The following STK10 variants were observed in gnomAD, a reference collection of about 807,000 sequenced individuals.
STK10 encodes serine/threonine kinase 10, also known as serine/threonine-protein kinase 10.
STK10 carries 78 observed loss-of-function variants against 113.8 expected under a neutral mutation model. That is an observed-to-expected ratio of 0.69 (90% CI 0.57 to 0.83). STK10 has a LOEUF of 0.83. Ranked by LOEUF, STK10 falls within the 40% of genes least tolerant of loss-of-function variation. The pLI is 0.00. For missense variants in STK10, 1,109 were observed against 1,280.1 expected (o/e 0.87, Z 2.04); for synonymous variants, 465 against 494.7 (o/e 0.94, Z 0.80).
intron 13 of STK10, chr5:172,064,507 G>T: frequency 1.7e-6 from 1 of 601,016 alleles, no homozygotes; most frequent in South Asian, 2.0e-5. Flanking sequence ...GGTATCCAGA[G>T]ATGGAAGAGC....
chr5:172,064,005 A>G (rs58374479), intron 13 of STK10, among the ~76,000 whole-genome samples: 1,844 of 152,240 alleles, frequency 0.012, 42 homozygotes, highest in African/African-American at 0.042. Context: ...TATCTTAGGG[A>G]CAATGTGGGA....
chr5:172,169,586 T>G (rs1770629523), intron 1 of STK10, among the ~76,000 whole-genome samples: 1 of 152,000 alleles, frequency 6.6e-6, no homozygotes, highest in Admixed American at 6.6e-5. Context: ...TGAATGGGTG[T>G]GCATGAGACT....
At chr5:172,103,061 C>T (rs189775824) in intron 7 of STK10, among the ~76,000 whole-genome samples, 6 of 152,314 alleles carry the variant, frequency 3.9e-5, no homozygotes, top group African/African-American at 1.4e-4. Context: ...CCGCCCAGGG[C>T]GGGACACAGG....
At chr5:172,070,735 G>A (rs1015805689) in intron 12 of STK10, among the ~76,000 whole-genome samples, 4 of 152,028 alleles carry the variant, frequency 2.6e-5, no homozygotes, top group African/African-American at 7.3e-5. Context: ...AGGAGGAGGA[G>A]AGGAGGAGGA....
At chr5:172,107,614 C>T (rs549516574) in intron 5 of STK10, among the ~76,000 whole-genome samples, 166 bp downstream of exon 5, 4 of 152,276 alleles carry the variant, frequency 2.6e-5, no homozygotes, top group East Asian at 1.9e-4. Context: ...AAGAAACTGA[C>T]GCACGGGAAA....
At chr5:172,089,245 T>A (rs535759143) in intron 10 of STK10, among the ~76,000 whole-genome samples, 2 of 152,354 alleles carry the variant, frequency 1.3e-5, no homozygotes, top group South Asian at 4.1e-4. Context: ...CACTATCATG[T>A]CACCTGTTAC....
chr5:172,147,680 CTG>C (rs1328140269), intron 2 of STK10, among the ~76,000 whole-genome samples: 1 of 152,218 alleles, frequency 6.6e-6, no homozygotes, highest in Non-Finnish European at 1.5e-5. Context: ...GCGTGAGCCA[CTG>C]TGCCCAGCCT....
intron 10 of STK10, among the ~76,000 whole-genome samples, chr5:172,085,221 G>C (rs1242809490): frequency 1.3e-5 from 2 of 151,882 alleles, no homozygotes; most frequent in African/African-American, 2.4e-5. Flanking sequence ...ACTCCAGCCT[G>C]GGCAACAGAG....
intron 10 of STK10, among the ~76,000 whole-genome samples, chr5:172,084,078 A>T (rs534014196): frequency 6.6e-6 from 1 of 152,086 alleles, no homozygotes; most frequent in African/African-American, 2.4e-5. Flanking sequence ...AGTTTTAGAA[A>T]ATGTTTAATT....
intron 12 of STK10, among the ~76,000 whole-genome samples, chr5:172,078,171 G>A (rs1768353410): frequency 6.6e-6 from 1 of 152,132 alleles, no homozygotes; most frequent in Non-Finnish European, 1.5e-5. Context: ...TTAGGAGTGT[G>A]GAGTAGGCAA....
At chr5:172,149,400 C>A (rs1456684104) in intron 2 of STK10, among the ~76,000 whole-genome samples, 1 of 152,238 alleles carries the variant, frequency 6.6e-6, no homozygotes, top group Non-Finnish European at 1.5e-5. Context: ...GGGTGTCTGT[C>A]CCCTCTGTAA....
chr5:172,182,550 ATTTTTTT>A (rs774193068), intron 1 of STK10, among the ~76,000 whole-genome samples: 2 of 107,506 alleles, frequency 1.9e-5, no homozygotes, highest in Non-Finnish European at 3.7e-5. Flanking sequence ...TGCCCAGCTC[ATTTTTTT>A]TTTTTTTTTT....
At chr5:172,087,419 C>T (rs1011891965) in intron 10 of STK10, among the ~76,000 whole-genome samples, 9 of 150,388 alleles carry the variant, frequency 6.0e-5, no homozygotes, top group Non-Finnish European at 1.2e-4. Context: ...GGATTACAGA[C>T]GCCGGCCACC....
intron 10 of STK10, among the ~76,000 whole-genome samples, chr5:172,083,916 CA>C (rs1208927534): frequency 2.6e-5 from 1 of 38,456 alleles, no homozygotes; most frequent in South Asian, 6.6e-4. Flanking sequence ...CTCAACAACA[CA>C]AAAAAAAGAA....
chr5:172,170,126 T>C (rs1215841017), intron 1 of STK10, among the ~76,000 whole-genome samples: 3 of 151,888 alleles, frequency 2.0e-5, no homozygotes, highest in African/African-American at 7.3e-5. Context: ...TGTATCCTTT[T>C]TTTTTTTTTT....
At chr5:172,057,260 C>T in intron 15 of STK10, 89 bp downstream of exon 15, 3 of 1,523,796 alleles carry the variant, frequency 2.0e-6, no homozygotes, top group Non-Finnish European at 2.6e-6. Context: ...AAAGTGTGCA[C>T]CCAAGAGGTG....
intron 4 of STK10, among the ~76,000 whole-genome samples, chr5:172,108,488 C>T (rs1239278952): frequency 3.3e-5 from 5 of 151,580 alleles, no homozygotes; most frequent in African/African-American, 9.7e-5. Flanking sequence ...TGGTGGTGGA[C>T]GCCTGTAATC....
At position 172,090,203 on chromosome 5, in the gene STK10, C is replaced by T. The variant is rs1768668271; in HGVS notation, c.1685+29G>A. On this transcript the variant is annotated intron_variant, in intron 10 of 18. Transcript: ENST00000176763. ...CTCTTACCATAGCCCCACCCTGTTA[C>T]CACCATTGGTGGCCCTTCCCAGGCT... The T allele has an allele frequency of 3.1e-6, 5 of 1,612,386 alleles. No individual in the cohort carries two copies. The African/African-American group carries it at 5.3e-5, about 17-fold the overall frequency.
chr5:172,105,692 GTTC>G lies in STK10; in HGVS notation c.831_833del (p.Lys277del). ...GCGCGGCACTGGGTCGGGTTTCTGGGTTCTTATCCAGGGCTATCTTCAGGAAGT... is the reference window on the plus strand; with the variant it reads ...GCGCGGCACTGGGTCGGGTTTCTGGGTTATCCAGGGCTATCTTCAGGAAGT... On this transcript the variant is annotated inframe_deletion, in exon 7 of 19. Coordinates refer to ENST00000176763, the MANE Select transcript of STK10 (RefSeq NM_005990.4). 1 of 1,613,862 alleles carries G rather than the reference GTTC, an allele frequency of 6.2e-7. No individual in the cohort carries two copies. The highest frequency in any genetic ancestry group is 8.5e-7 in the Non-Finnish European group (1 of 1,180,012).
Sources: gnomAD v4.1 joint callset for allele counts (sites outside exome capture counted in the v4.1 genomes callset) on GRCh38, gnomAD v4.1.1 for gene constraint, MANE v1.5 for transcripts, NCBI Gene and HGNC (gene_info 2026-07-23, HGNC 2026-07-21) for gene names.